Variants in ZNF618 observed in about 807,000 individuals in gnomAD.
ZNF618 encodes zinc finger protein 618, also known as neural precursor cell expressed, developmentally down-regulated 10.
In ZNF618, 34 loss-of-function variants were observed where a neutral mutation model predicts 103.0. The ratio of observed to expected loss-of-function variants is 0.33; its 90% confidence interval spans 0.25 to 0.44. ZNF618 has a LOEUF of 0.44. ZNF618 is among the 20% of genes least tolerant of loss of function. The probability of loss-of-function intolerance (pLI) is 1.00; values close to 1 mark genes in which losing one functional copy is unlikely to be tolerated. For missense variants in ZNF618, 1,059 were observed against 1,295.4 expected, an observed-to-expected ratio of 0.82 and a Z score of 2.80; for synonymous variants, 551 against 542.2, an observed-to-expected ratio of 1.02 and a Z score of -0.23.
rs1016109226 is a variant in ZNF618, at chr9:113,928,062, CT to C, written c.34-41052del. ...GGCATGGAGTGACAGCCTCCAAGCTCTTTACATGTTGGAATGGAAACCAGAA... is the reference window on the plus strand; with the variant it reads ...GGCATGGAGTGACAGCCTCCAAGCTCTTACATGTTGGAATGGAAACCAGAA... On this transcript the variant is annotated intron_variant, in intron 1 of 14. Transcript: ENST00000374126. Among the ~76,000 whole-genome samples the C allele has an allele frequency of 4.1e-4, 62 of 152,134 alleles. 1 individual carries two copies. The highest frequency in any genetic ancestry group is 1.3e-3 in the African/African-American group (53 of 41,422).
At chr9:114,028,050 A>G (rs981286831) in intron 10 of ZNF618, 1 of 151,934 alleles carries the variant, frequency 6.6e-6, no homozygotes, top group Non-Finnish European at 1.5e-5. Flanking sequence ...CTCTCCCAAG[A>G]CCACCAGAGG....
intron 1 of ZNF618, among the ~76,000 whole-genome samples, chr9:113,967,638 T>G (rs532399008): frequency 6.6e-6 from 1 of 152,328 alleles, no homozygotes; most frequent in South Asian, 2.1e-4. Context: ...TTGACCTGTG[T>G]TCTTGCCTGT....
intron 1 of ZNF618, among the ~76,000 whole-genome samples, chr9:113,959,210 C>G (rs979349713): frequency 1.3e-5 from 2 of 152,028 alleles, no homozygotes; most frequent in African/African-American, 4.8e-5. Context: ...TTGCTTGAAC[C>G]TGGGAGGTGG....
intron 13 of ZNF618, among the ~76,000 whole-genome samples, chr9:114,047,344 C>G (rs1845735790): frequency 6.6e-6 from 1 of 152,146 alleles, no homozygotes; most frequent in Non-Finnish European, 1.5e-5. Context: ...CCATGTCTTA[C>G]AGTGAGGGGT....
At position 113,937,162 on chromosome 9, in the gene ZNF618, T is replaced by A. The variant is rs374649363; in HGVS notation, c.34-31955T>A. Among the ~76,000 whole-genome samples the A allele has an allele frequency of 1.5e-4, 23 of 152,356 alleles. No individual in the cohort carries two copies. The East Asian group carries it at 2.7e-3, about 18-fold the overall frequency. ...ATTTCGACATAATTTCAGGAAGTTT[T>A]AAGAATAAGAATACCCACCTGCCCT... On this transcript the variant is annotated intron_variant, in intron 1 of 14. Transcript: ENST00000374126.
chr9:113,914,076 A>G (rs1276280951), intron 1 of ZNF618, among the ~76,000 whole-genome samples: 1 of 152,048 alleles, frequency 6.6e-6, no homozygotes, highest in Non-Finnish European at 1.5e-5. Flanking sequence ...TCCCCCTCTA[A>G]GCACACTTTT....
chr9:113,976,678 C>G (rs1227696357), intron 2 of ZNF618, among the ~76,000 whole-genome samples: 1 of 152,158 alleles, frequency 6.6e-6, no homozygotes, highest in Non-Finnish European at 1.5e-5. Context: ...GGAGGGTGAC[C>G]TTGTCCCCCA....
chr9:113,900,031 A>AT (rs1335797951), intron 1 of ZNF618, among the ~76,000 whole-genome samples: 2 of 151,998 alleles, frequency 1.3e-5, no homozygotes, highest in African/African-American at 2.4e-5. Flanking sequence ...TCTGCATTTA[A>AT]TTTTTTGACA....
chr9:113,954,321 G>A (rs1836045993), intron 1 of ZNF618, among the ~76,000 whole-genome samples: 1 of 152,010 alleles, frequency 6.6e-6, no homozygotes, highest in Admixed American at 6.6e-5. Context: ...GGGTCTTCTG[G>A]GCAGGGGGTT....
At chr9:114,033,809 A>G (rs1844326473) in intron 12 of ZNF618, among the ~76,000 whole-genome samples, 2 of 151,706 alleles carry the variant, frequency 1.3e-5, no homozygotes, top group South Asian at 2.1e-4. Flanking sequence ...AATTCACTAC[A>G]TATTAGGTGT....
intron 1 of ZNF618, among the ~76,000 whole-genome samples, chr9:113,967,982 C>T (rs1467396591): frequency 1.3e-5 from 2 of 151,892 alleles, no homozygotes; most frequent in Non-Finnish European, 2.9e-5. Flanking sequence ...AATCGAAGTC[C>T]GCCATCTGAT....
At chr9:113,990,301 A>G (rs1443337701) in intron 3 of ZNF618, among the ~76,000 whole-genome samples, 1 of 152,110 alleles carries the variant, frequency 6.6e-6, no homozygotes, top group Non-Finnish European at 1.5e-5. Flanking sequence ...TGCCTCTTCC[A>G]TGAAAGTGGA....
intron 3 of ZNF618, among the ~76,000 whole-genome samples, chr9:113,995,394 CTT>C (rs1840474224): frequency 6.6e-6 from 1 of 152,108 alleles, no homozygotes; most frequent in South Asian, 2.1e-4. Context: ...AAATGCATCT[CTT>C]AATGAAATGG....
chr9:113,975,262 T>C (rs929284492), intron 2 of ZNF618, among the ~76,000 whole-genome samples: 1 of 152,190 alleles, frequency 6.6e-6, no homozygotes, highest in Non-Finnish European at 1.5e-5. Flanking sequence ...GCATCCCTCA[T>C]GTTCAGAGGG....
rs182557360 is a variant in ZNF618 at position 113,981,438 on chromosome 9, G to A, written c.78-6883G>A. Reference sequence around the variant, plus strand: ...TCCCTGCTCACTCATTGTGCACATTGGAAAACTGAGTCTTGGGGTAGGCAG... The same window carrying A: ...TCCCTGCTCACTCATTGTGCACATTAGAAAACTGAGTCTTGGGGTAGGCAG... On this transcript the variant is annotated intron_variant, in intron 2 of 14. Coordinates refer to ENST00000374126, the MANE Select transcript of ZNF618 (RefSeq NM_001318042.2). Among the ~76,000 whole-genome samples the A allele has an allele frequency of 3.0e-4, 45 of 152,304 alleles. 1 individual carries two copies. The highest frequency in any genetic ancestry group is 1.1e-3 in the African/African-American group (44 of 41,556).
chr9:114,024,773 C>T (rs564844333), intron 10 of ZNF618, among the ~76,000 whole-genome samples: 5 of 149,560 alleles, frequency 3.3e-5, no homozygotes, highest in South Asian at 2.2e-4. Flanking sequence ...CTAGGCTTTG[C>T]GGAGACTCAT....
intron 1 of ZNF618, among the ~76,000 whole-genome samples, chr9:113,957,819 T>TTA (rs1836453922): frequency 6.6e-6 from 1 of 151,108 alleles, no homozygotes; most frequent in Non-Finnish European, 1.5e-5. Context: ...TTTTTTTTTT[T>TTA]ACCCCCAACC....
intron 1 of ZNF618, among the ~76,000 whole-genome samples, chr9:113,909,840 G>A (rs1414244551): frequency 6.6e-6 from 1 of 151,356 alleles, no homozygotes; most frequent in African/African-American, 2.4e-5. Flanking sequence ...GCTGGAGTGC[G>A]GTGGCGCGGT....
intron 1 of ZNF618, among the ~76,000 whole-genome samples, chr9:113,923,228 G>A (rs1482427873): frequency 2.0e-5 from 3 of 152,068 alleles, no homozygotes; most frequent in Non-Finnish European, 2.9e-5. Context: ...TATTATCTGT[G>A]AATAAAGAAA....
Sources: allele counts gnomAD v4.1 joint callset (sites outside exome capture counted in the v4.1 genomes callset), GRCh38; gene constraint gnomAD v4.1.1; transcripts MANE v1.5; gene names NCBI Gene and HGNC (gene_info 2026-07-23, HGNC 2026-07-21).